AGBL1: variants seen among roughly 807,000 people sequenced by gnomAD.
AGBL1 encodes the protein AGBL carboxypeptidase 1, also known as cytosolic carboxypeptidase 4.
A neutral mutation model predicts 118.9 loss-of-function variants in AGBL1; 130 were observed. That is an observed-to-expected ratio of 1.09 (90% CI 0.95 to 1.26). The LOEUF (loss-of-function observed/expected upper bound fraction) is 1.26, where lower values mean the gene tolerates loss of function less well. AGBL1 is among the 50% of genes most tolerant of loss of function. AGBL1 has a pLI of 0.00. For missense variants in AGBL1, 1,584 were observed against 1,298.1 expected (o/e 1.22, Z -3.38); for synonymous variants, 555 against 478.9 (o/e 1.16, Z -2.08).
intron 1 of AGBL1, among the ~76,000 whole-genome samples, chr15:86,095,472 G>A (rs79418498): frequency 0.015 from 2,261 of 152,120 alleles, 34 homozygotes; most frequent in South Asian, 0.075. Context: ...GCACTCTGGA[G>A]ATTCCAAGGG....
intron 21 of AGBL1, among the ~76,000 whole-genome samples, chr15:86,621,378 G>A (rs1472764899): frequency 6.6e-6 from 1 of 152,174 alleles, no homozygotes; most frequent in Admixed American, 6.5e-5. Context: ...AAACAGGATG[G>A]CTTGAAAGAA....
chr15:86,618,061 A>G lies in AGBL1; in HGVS notation c.2995-56212A>G, dbSNP rs554267698. On this transcript the variant is annotated intron_variant, in intron 21 of 22. Coordinates refer to ENST00000614907, the MANE Select transcript of AGBL1 (RefSeq NM_001386094.1). ...GCCTGAGATTTAACATTTCTCATGC[A>G]TATCTTGGAAACTGAAGTCTTGATG... 7.9e-5 allele frequency among the ~76,000 whole-genome samples: 12 copies of G among 152,262 alleles called. No individual in the cohort carries two copies. The South Asian group carries it at 2.3e-3, about 29-fold the overall frequency.
At chr15:86,785,606 G>A (rs983794261) in intron 22 of AGBL1, among the ~76,000 whole-genome samples, 17 of 151,884 alleles carry the variant, frequency 1.1e-4, no homozygotes, top group Non-Finnish European at 2.2e-4. Context: ...GGCCTCAGGC[G>A]ATCCACCCGC....
chr15:86,883,645 C>T (rs1352139131), intron 22 of AGBL1, among the ~76,000 whole-genome samples: 1 of 152,180 alleles, frequency 6.6e-6, no homozygotes, highest in African/African-American at 2.4e-5. Flanking sequence ...GACTCCACTC[C>T]TAGGCTCTTT....
chr15:86,700,434 G>A (rs11630023), intron 22 of AGBL1, among the ~76,000 whole-genome samples: 1 of 146,202 alleles, frequency 6.8e-6, no homozygotes, highest in Non-Finnish European at 1.5e-5. Context: ...CCAAGATGTA[G>A]GTGTTGTTCA....
chr15:86,987,485 T>G (rs1208763659), intron 23 of AGBL1, among the ~76,000 whole-genome samples: 1 of 152,216 alleles, frequency 6.6e-6, no homozygotes, highest in Non-Finnish European at 1.5e-5. Flanking sequence ...TTTTATTTCT[T>G]TGCTTGACTT....
intron 21 of AGBL1, among the ~76,000 whole-genome samples, chr15:86,582,928 G>C (rs2084191624): frequency 6.6e-6 from 1 of 151,512 alleles, no homozygotes; most frequent in South Asian, 2.1e-4. Flanking sequence ...GAGTTAATGG[G>C]TGCAGCACAC....
chr15:86,161,169 A>G (rs1418251087), intron 5 of AGBL1, among the ~76,000 whole-genome samples: 1 of 152,128 alleles, frequency 6.6e-6, no homozygotes, highest in Non-Finnish European at 1.5e-5. Flanking sequence ...ATATTTCTAC[A>G]TGTCTGATTT....
At chr15:86,839,898 T>G (rs944112903) in intron 22 of AGBL1, among the ~76,000 whole-genome samples, 2 of 152,240 alleles carry the variant, frequency 1.3e-5, no homozygotes, top group Non-Finnish European at 2.9e-5. Flanking sequence ...CCACGATGTT[T>G]ATACAAATCA....
intron 22 of AGBL1, among the ~76,000 whole-genome samples, chr15:86,754,343 A>AT (rs2077901894): frequency 6.6e-6 from 1 of 152,106 alleles, no homozygotes; most frequent in Admixed American, 6.6e-5. Context: ...GAGCAACTTG[A>AT]TTTTTGGAAC....
At chr15:86,567,609 A>G (rs2142302376) in intron 21 of AGBL1, among the ~76,000 whole-genome samples, 1 of 152,336 alleles carries the variant, frequency 6.6e-6, no homozygotes, top group Non-Finnish European at 1.5e-5. Context: ...TATTCTCAGA[A>G]TCATTTTTAC....
intron 22 of AGBL1, 139 bp downstream of exon 22, chr15:86,674,575 A>C: frequency 1.2e-6 from 1 of 856,480 alleles, no homozygotes; most frequent in East Asian, 2.7e-5. Context: ...AGGTAGGTAC[A>C]CTATCTCGTT....
intron 1 of AGBL1, among the ~76,000 whole-genome samples, chr15:86,141,660 TA>T (rs2076965485): frequency 1.3e-5 from 2 of 152,166 alleles, no homozygotes; most frequent in African/African-American, 4.8e-5. Flanking sequence ...TAAATAAAAA[TA>T]AAAATAAGCC....
At chr15:86,293,031 T>C (rs760076021) in intron 16 of AGBL1, among the ~76,000 whole-genome samples, 2 of 152,212 alleles carry the variant, frequency 1.3e-5, no homozygotes, top group Non-Finnish European at 2.9e-5. Context: ...AGAAAGGCCA[T>C]AGAATTATCT....
At chr15:86,834,803 C>T (rs891644324) in intron 22 of AGBL1, among the ~76,000 whole-genome samples, 6 of 152,198 alleles carry the variant, frequency 3.9e-5, no homozygotes, top group South Asian at 2.1e-4. Context: ...GACACTAAAG[C>T]GTGAGATGCT....
chr15:86,839,677 C>T lies in AGBL1; in HGVS notation c.3159-67410C>T, dbSNP rs368408786. Among the ~76,000 whole-genome samples, 346 of 152,198 alleles carry T rather than the reference C, an allele frequency of 2.3e-3. 1 individual carries two copies. Among genetic ancestry groups the T allele is most frequent in the African/African-American group, 8.1e-3 (336 of 41,522 alleles). Reference sequence around the variant, plus strand: ...CAGATATGACAACTAAATATGACAACTAAATATTGCCAAACGTCTCCTGAG... The same window carrying T: ...CAGATATGACAACTAAATATGACAATTAAATATTGCCAAACGTCTCCTGAG... On this transcript the variant is annotated intron_variant, in intron 22 of 22. Coordinates refer to ENST00000614907, the MANE Select transcript of AGBL1 (RefSeq NM_001386094.1).
intron 23 of AGBL1, among the ~76,000 whole-genome samples, chr15:86,943,592 T>C (rs1057354954): frequency 6.6e-6 from 1 of 152,212 alleles, no homozygotes; most frequent in East Asian, 1.9e-4. Flanking sequence ...CACCCTAATC[T>C]TTTGTTATGC....
At chr15:86,931,871 C>A (rs2080610525) in intron 23 of AGBL1, among the ~76,000 whole-genome samples, 1 of 151,968 alleles carries the variant, frequency 6.6e-6, no homozygotes, top group Non-Finnish European at 1.5e-5. Flanking sequence ...TATTTGAATA[C>A]TTTAAAATTC....
chr15:86,340,218 A>G (rs1193677472), intron 17 of AGBL1, among the ~76,000 whole-genome samples: 1 of 151,900 alleles, frequency 6.6e-6, no homozygotes, highest in Non-Finnish European at 1.5e-5. Context: ...ATTTTGAGCT[A>G]TGATATTATG....
Sources: allele counts gnomAD v4.1 joint callset (sites outside exome capture counted in the v4.1 genomes callset), GRCh38; gene constraint gnomAD v4.1.1; transcripts MANE v1.5; gene names NCBI Gene and HGNC (gene_info 2026-07-23, HGNC 2026-07-21).